GPATCH11: variants seen among roughly 807,000 people sequenced by gnomAD.
GPATCH11 encodes the protein G-patch domain containing 11.
A neutral mutation model predicts 44.8 loss-of-function variants in GPATCH11; 32 were observed. The observed-to-expected ratio is 0.71, with a 90% CI of 0.54 to 0.96. GPATCH11 has a LOEUF of 0.96. Ranked by LOEUF, GPATCH11 falls within the 40% of genes least tolerant of loss-of-function variation. GPATCH11 has a pLI of 0.00. For missense variants in GPATCH11, 324 were observed against 303.1 expected, an observed-to-expected ratio of 1.07 and a Z score of -0.51; for synonymous variants, 84 against 94.4, an observed-to-expected ratio of 0.89 and a Z score of 0.64.
intron 7 of GPATCH11, among the ~76,000 whole-genome samples, chr2:37,094,646 C>G (rs1673486352): frequency 6.6e-6 from 1 of 151,970 alleles, no homozygotes; most frequent in Non-Finnish European, 1.5e-5. Context: ...AAAACACAAT[C>G]AAAAGAAAAT....
chr2:37,087,029 A>G (rs2148633376), intron 1 of GPATCH11, among the ~76,000 whole-genome samples: 1 of 152,292 alleles, frequency 6.6e-6, no homozygotes, highest in South Asian at 2.1e-4. Flanking sequence ...TCTTCAGACA[A>G]GATCCCTTCA....
At chr2:37,088,499 G>C in intron 2 of GPATCH11, 59 bp downstream of exon 2, 1 of 839,018 alleles carries the variant, frequency 1.2e-6, no homozygotes, top group Non-Finnish European at 1.9e-6. Flanking sequence ...ATTAAGAAAT[G>C]ACATTGATTT....
intron 6 of GPATCH11, among the ~76,000 whole-genome samples, chr2:37,092,496 T>C (rs934906736): frequency 1.2e-4 from 17 of 146,300 alleles, no homozygotes; most frequent in Non-Finnish European, 1.8e-4. Flanking sequence ...ATATTATATA[T>C]ATATATAAAA....
At chr2:37,094,457 C>A in intron 7 of GPATCH11, 1 of 257,142 alleles carries the variant, frequency 3.9e-6, no homozygotes. Flanking sequence ...TTACTAACCC[C>A]AAATCAAAAC....
At chr2:37,084,675 C>G (rs1428111367) in intron 1 of GPATCH11, 105 bp downstream of exon 1, 1 of 961,254 alleles carries the variant, frequency 1.0e-6, no homozygotes. Flanking sequence ...ACTTTTCCAT[C>G]CGTGGGTGGT....
rs776083710 is a variant in GPATCH11 at position 37,092,205 on chromosome 2, G to A, written c.490G>A (p.Gly164Arg). The A allele has an allele frequency of 8.3e-6, 13 of 1,558,718 alleles. No individual in the cohort carries two copies. Among genetic ancestry groups the A allele is most frequent in the Middle Eastern group, 3.4e-4 (2 of 5,844 alleles). ...KNKQDEMKLE[G>R]DLRRSQRACQ... ...TAAGCAAGATGAAATGAAGCTAGAA[G>A]GAGATCTCAGAAGAAGCCAGCGAGC... The change falls in exon 6 of 9, where the codon GGA (glycine) becomes AGA (arginine). Residue 164 changes from glycine (G) to arginine (R), a missense_variant. Coordinates refer to ENST00000674370, the MANE Select transcript of GPATCH11 (RefSeq NM_174931.4).
At chr2:37,092,898 C>T (rs1224904698) in intron 6 of GPATCH11, among the ~76,000 whole-genome samples, 2 of 152,252 alleles carry the variant, frequency 1.3e-5, no homozygotes, top group Middle Eastern at 3.4e-3. Flanking sequence ...GTAATCCTAG[C>T]ACTTTGGGAG....
At chr2:37,084,678 T>G in intron 1 of GPATCH11, 108 bp downstream of exon 1, 15 of 935,516 alleles carry the variant, frequency 1.6e-5, no homozygotes, top group Non-Finnish European at 2.1e-5. Context: ...TTTCCATCCG[T>G]GGGTGGTTGC....
At chr2:37,088,511 A>G in intron 2 of GPATCH11, 71 bp downstream of exon 2, 1 of 741,732 alleles carries the variant, frequency 1.3e-6, no homozygotes, top group Non-Finnish European at 2.2e-6. Context: ...CATTGATTTT[A>G]TTTTATTTTA....
rs1157820528 is a variant in GPATCH11, at chr2:37,088,380, A to T, written c.-2A>T. 1 of 1,530,964 alleles carries T rather than the reference A, an allele frequency of 6.5e-7. No homozygotes were observed. Among genetic ancestry groups the T allele is most frequent in the Admixed American group, 1.8e-5 (1 of 55,892 alleles). 94.8% of individuals were successfully genotyped at this position (1,530,964 alleles called of 1,614,324 possible). On this transcript the variant is annotated 5_prime_UTR_variant, in exon 2 of 9. Coordinates refer to ENST00000674370, the MANE Select transcript of GPATCH11 (RefSeq NM_174931.4). ...TACTTTATTTGTAGATACTATAGCC[A>T]TATGAAGTTGAACATGGCAGAAGAA...
intron 8 of GPATCH11, among the ~76,000 whole-genome samples, chr2:37,095,787 C>A (rs1045345740): frequency 2.8e-4 from 43 of 152,158 alleles, no homozygotes; most frequent in Middle Eastern, 3.4e-3. Context: ...ATGTTTTGTG[C>A]TTTATTTTTA....
At position 37,095,442 on chromosome 2, in the gene GPATCH11, G is replaced by A. The variant is rs1572985333; in HGVS notation, c.660G>A (p.Leu220=). Residue 220 remains leucine, a synonymous_variant, in exon 8 of 9, where the codon CTG becomes CTA. Transcript: ENST00000674370. ...DEYKSEDLSV[L]EKLQILTSYL... ...AATGTGCTTGTATCCTATAGGTACT[G>A]GAAAAATTACAAATATTGACTAGTT... 6.2e-7 allele frequency: 1 copy of A among 1,604,522 alleles called. No individual in the cohort carries two copies. The highest frequency in any genetic ancestry group is 8.5e-7 in the Non-Finnish European group (1 of 1,176,096).
chr2:37,084,569 A>G lies in GPATCH11; in HGVS notation c.-15A>G, dbSNP rs1672875789. 1 of 1,232,280 alleles carries G rather than the reference A, an allele frequency of 8.1e-7. No individual in the cohort carries two copies. Among genetic ancestry groups the G allele is most frequent in the East Asian group, 3.2e-5 (1 of 31,704 alleles). 76.3% of individuals were successfully genotyped at this position (1,232,280 alleles called of 1,614,324 possible). A position where few individuals can be genotyped will look rare whatever the true frequency, so the allele number is the denominator to read the frequency against. ...GAACCGGGGCGAGCAGAGAGCTGTCAGGTAAGAGAGCTGTCAGGTAAGGGT... is the reference window on the plus strand; with the variant it reads ...GAACCGGGGCGAGCAGAGAGCTGTCGGGTAAGAGAGCTGTCAGGTAAGGGT... On this transcript the variant is annotated splice_region_variant and 5_prime_UTR_variant, in exon 1 of 9. Transcript: ENST00000674370.
In GPATCH11 at chr2:37,089,811, G is replaced by A; in HGVS notation, c.231G>A (p.Gly77=). 6.4e-7 allele frequency: 1 copy of A among 1,551,840 alleles called. No homozygotes were observed. The highest frequency in any genetic ancestry group is 8.7e-7 in the Non-Finnish European group (1 of 1,147,022). ...ATGCACTAGGCTGTGAAAACAAAGG[G>A]TTTGCCTTGCTCCAAAAGATGGGCT... The part of the protein sequence containing the change: ...LKNALGCENK[G]FALLQKMGYK... Residue 77 remains glycine, a synonymous_variant, in exon 3 of 9, where the codon GGG becomes GGA. Coordinates refer to ENST00000674370, the MANE Select transcript of GPATCH11 (RefSeq NM_174931.4).
At chr2:37,095,284 C>T (rs1295808536) in intron 7 of GPATCH11, among the ~76,000 whole-genome samples, 153 bp from the exon 8 acceptor site, 2 of 152,134 alleles carry the variant, frequency 1.3e-5, no homozygotes, top group African/African-American at 2.4e-5. Flanking sequence ...GTAACACATT[C>T]GAATATATCA....
intron 1 of GPATCH11, among the ~76,000 whole-genome samples, chr2:37,085,280 T>G (rs571160112): frequency 6.6e-6 from 1 of 152,240 alleles, no homozygotes; most frequent in Non-Finnish European, 1.5e-5. Context: ...TTTGTGGTTT[T>G]GAAATAGTCA....
At chr2:37,090,567 G>T in intron 3 of GPATCH11, 114 bp from the exon 4 acceptor site, 1 of 609,746 alleles carries the variant, frequency 1.6e-6, no homozygotes, top group South Asian at 2.0e-5. Flanking sequence ...TTTCAATTTT[G>T]AATATCATTG....
chr2:37,086,376 GT>G (rs1235053232), intron 1 of GPATCH11, among the ~76,000 whole-genome samples: 4 of 152,192 alleles, frequency 2.6e-5, no homozygotes, highest in African/African-American at 9.7e-5. Flanking sequence ...TATCCTCATT[GT>G]TGCTAAACAA....
chr2:37,093,604 C>G (rs893576306), intron 6 of GPATCH11, among the ~76,000 whole-genome samples: 7 of 152,266 alleles, frequency 4.6e-5, no homozygotes, highest in Middle Eastern at 3.4e-3. Context: ...AACTTAAAGA[C>G]AACTGCACAA....
Sources: allele counts gnomAD v4.1 joint callset (sites outside exome capture counted in the v4.1 genomes callset), GRCh38; gene constraint gnomAD v4.1.1; transcripts MANE v1.5; gene names NCBI Gene and HGNC (gene_info 2026-07-23, HGNC 2026-07-21).